The following SPATS1 variants were observed in gnomAD, a reference collection of about 807,000 sequenced individuals.
SPATS1 encodes spermatogenesis-associated serine-rich protein 1.
Under a neutral mutation model 33.6 loss-of-function variants are expected in SPATS1, and 23 were observed. The observed-to-expected ratio is 0.68, with a 90% CI of 0.49 to 0.97. The LOEUF (loss-of-function observed/expected upper bound fraction) is 0.97. Among genes scored for constraint, SPATS1 ranks in the 50% least tolerant of loss-of-function variants. The pLI is 0.00. For missense variants in SPATS1, 327 were observed against 361.0 expected, an observed-to-expected ratio of 0.91 and a Z score of 0.76; for synonymous variants, 131 against 125.6, an observed-to-expected ratio of 1.04 and a Z score of -0.29.
At chr6:44,343,588 C>T in intron 2 of SPATS1, 1 of 447,224 alleles carries the variant, frequency 2.2e-6, no homozygotes, top group Non-Finnish European at 4.4e-6. Context: ...CATGAGTCTG[C>T]CATACTTTCG....
At chr6:44,360,051 G>A (rs1788814518) in intron 3 of SPATS1, among the ~76,000 whole-genome samples, 1 of 151,974 alleles carries the variant, frequency 6.6e-6, no homozygotes, top group South Asian at 2.1e-4. Context: ...AGTTCTTTTA[G>A]GTATACACCT....
chr6:44,362,988 AC>A (rs1262520826), intron 5 of SPATS1, among the ~76,000 whole-genome samples: 6 of 151,910 alleles, frequency 3.9e-5, no homozygotes, highest in Non-Finnish European at 5.9e-5. Flanking sequence ...ATAGGCATGC[AC>A]CACCACACCC....
In SPATS1 at chr6:44,343,092, A is replaced by G. The variant is rs373023494; in HGVS notation, c.1-4A>G. 2 of 1,613,946 alleles carry G rather than the reference A, an allele frequency of 1.2e-6. No homozygotes were observed. The highest frequency in any genetic ancestry group is 1.7e-5 in the Admixed American group (1 of 59,980). ...TCTAATATTTAAAATCATCATGGGC[A>G]CAGATGAGTCCATCCATGCTCACTG... On this transcript the variant is annotated splice_region_variant and splice_polypyrimidine_tract_variant and intron_variant, in intron 1 of 8. Transcript: ENST00000674044.
intron 3 of SPATS1, among the ~76,000 whole-genome samples, chr6:44,354,893 C>A (rs1377323742): frequency 1.3e-5 from 2 of 152,202 alleles, no homozygotes; most frequent in African/African-American, 4.8e-5. Flanking sequence ...TGACTCACTG[C>A]AGCCCTGACC....
intron 3 of SPATS1, among the ~76,000 whole-genome samples, chr6:44,354,234 T>C (rs1293472612): frequency 6.7e-6 from 1 of 150,030 alleles, no homozygotes; most frequent in East Asian, 2.0e-4. Flanking sequence ...TTCAGGAGGC[T>C]GAGTTGGGAA....
chr6:44,376,404 A>T lies in SPATS1; in HGVS notation c.805A>T (p.Ile269Leu). ...GAAGGCCAACAGTTTGAAAAATGAGATACAAGAGGTTGAGGAGCTTGACAA... is the reference window on the plus strand; with the variant it reads ...GAAGGCCAACAGTTTGAAAAATGAGTTACAAGAGGTTGAGGAGCTTGACAA... ...KEKANSLKNE[I>L]QEVEELDNWQ... The change falls in exon 8 of 9, where the codon ATA (isoleucine) becomes TTA (leucine). Residue 269 changes from isoleucine to leucine, a missense_variant. By Grantham distance (5) the Ile-to-Leu change is conservative. Transcript: ENST00000674044. 1 of 1,613,314 alleles carries T rather than the reference A, an allele frequency of 6.2e-7. No individual in the cohort carries two copies. Among genetic ancestry groups the T allele is most frequent in the Non-Finnish European group, 8.5e-7 (1 of 1,179,806 alleles).
intron 5 of SPATS1, among the ~76,000 whole-genome samples, chr6:44,362,607 G>A (rs1316247893): frequency 2.0e-5 from 3 of 152,158 alleles, no homozygotes; most frequent in Admixed American, 2.0e-4. Flanking sequence ...CTGTGTAGGA[G>A]GCAACCATTG....
intron 7 of SPATS1, among the ~76,000 whole-genome samples, chr6:44,371,566 CTATT>C (rs550837292): frequency 5.1e-4 from 77 of 152,282 alleles, no homozygotes; most frequent in Middle Eastern, 6.8e-3. Flanking sequence ...TTTAGAAATT[CTATT>C]TGATTCTTTT....
chr6:44,356,940 C>T (rs951335445), intron 3 of SPATS1, among the ~76,000 whole-genome samples: 1 of 152,202 alleles, frequency 6.6e-6, no homozygotes, highest in Admixed American at 6.5e-5. Flanking sequence ...CTGCTACACT[C>T]TCCTAAGTGG....
intron 2 of SPATS1, among the ~76,000 whole-genome samples, chr6:44,346,902 T>C (rs981713471): frequency 7.2e-5 from 11 of 152,190 alleles, no homozygotes; most frequent in Non-Finnish European, 1.3e-4. Flanking sequence ...TATAAATCAT[T>C]CTACTGTAAA....
chr6:44,353,941 G>A (rs1788397090), intron 3 of SPATS1, among the ~76,000 whole-genome samples: 1 of 150,754 alleles, frequency 6.6e-6, no homozygotes, highest in Admixed American at 6.7e-5. Flanking sequence ...GGAGGCTGAG[G>A]CAGGAGAATG....
intron 1 of SPATS1, 80 bp from the exon 2 acceptor site, chr6:44,343,016 G>C: frequency 1.3e-6 from 2 of 1,573,812 alleles, no homozygotes; most frequent in South Asian, 2.3e-5. Flanking sequence ...GAATTTGTTT[G>C]TTTTGACTGA....
Position 44,376,373 on chromosome 6 carries a change from G to A in SPATS1, c.774G>A (p.Val258=). The change falls in exon 8 of 9, where the codon GTG becomes GTA. Residue 258 remains valine, a synonymous_variant. Transcript: ENST00000674044. ...CTTCCCACAGCTTGCCTTTCTGGGTGAAGGAGAAGGCCAACAGTTTGAAAA... is the reference window on the plus strand; with the variant it reads ...CTTCCCACAGCTTGCCTTTCTGGGTAAAGGAGAAGGCCAACAGTTTGAAAA... ...LPQIPNLPFW[V]KEKANSLKNE... is the part of the protein sequence containing the mutation. The A allele has an allele frequency of 6.2e-7, 1 of 1,612,632 alleles. No individual in the cohort carries two copies. The highest frequency in any genetic ancestry group is 8.5e-7 in the Non-Finnish European group (1 of 1,179,472).
chr6:44,356,328 G>A lies in SPATS1; in HGVS notation c.287+3455G>A, dbSNP rs139526119. On this transcript the variant is annotated intron_variant, in intron 3 of 8. Transcript: ENST00000674044. Reference sequence around the variant, plus strand: ...CTATATTACCATGGTCCCACTCAAGGCCCTGATCATCTCTTACCTGGACCA... The same window carrying A: ...CTATATTACCATGGTCCCACTCAAGACCCTGATCATCTCTTACCTGGACCA... Among the ~76,000 whole-genome samples, 396 of 152,172 alleles carry A rather than the reference G, an allele frequency of 2.6e-3. 4 individuals carry two copies. The highest frequency in any genetic ancestry group is 8.4e-3 in the African/African-American group (349 of 41,518).
In SPATS1 at chr6:44,343,229, C is replaced by A; in HGVS notation, c.134C>A (p.Thr45Asn). ...RDSGMTEVER[T>N]YSANCSDFLE... ...TCTGGCATGACCGAGGTGGAGAGGACCTACAGTTGAGTTCTAAGAAATCCA... is the reference window on the plus strand; with the variant it reads ...TCTGGCATGACCGAGGTGGAGAGGAACTACAGTTGAGTTCTAAGAAATCCA... Residue 45 changes from threonine (T) to asparagine (N), a missense_variant, in exon 2 of 9, where the codon ACC becomes AAC. Thr to Asn is a moderately conservative substitution (Grantham distance 65, BLOSUM62 0). Coordinates refer to ENST00000674044, the MANE Select transcript of SPATS1 (RefSeq NM_001372081.1). 1 of 1,613,776 alleles carries A rather than the reference C, an allele frequency of 6.2e-7. No individual in the cohort carries two copies. The highest frequency in any genetic ancestry group is 8.5e-7 in the Non-Finnish European group (1 of 1,179,978).
chr6:44,366,660 A>G (rs1012284530), intron 5 of SPATS1, among the ~76,000 whole-genome samples: 14 of 152,194 alleles, frequency 9.2e-5, no homozygotes, highest in African/African-American at 3.4e-4. Flanking sequence ...TCGTCTTTAC[A>G]TATGTCTCCC....
At chr6:44,343,826 G>A (rs1181529403) in intron 2 of SPATS1, among the ~76,000 whole-genome samples, 2 of 152,184 alleles carry the variant, frequency 1.3e-5, no homozygotes, top group South Asian at 2.1e-4. Flanking sequence ...CTCAGAGTGC[G>A]CCTGCGCTCA....
chr6:44,346,925 C>T (rs573879700), intron 2 of SPATS1, among the ~76,000 whole-genome samples: 13 of 152,248 alleles, frequency 8.5e-5, no homozygotes, highest in Non-Finnish European at 1.8e-4. Context: ...CACATGTACA[C>T]GTATGTTTAT....
intron 7 of SPATS1, among the ~76,000 whole-genome samples, chr6:44,371,232 G>A (rs748366019): frequency 6.6e-6 from 1 of 151,744 alleles, no homozygotes. Context: ...CTATGAGTTC[G>A]AGGCTGCAGT....
Sources: allele counts gnomAD v4.1 joint callset (sites outside exome capture counted in the v4.1 genomes callset), GRCh38; gene constraint gnomAD v4.1.1; transcripts MANE v1.5; gene names NCBI Gene and HGNC (gene_info 2026-07-23, HGNC 2026-07-21).